The following SYN1 variants were observed in gnomAD, a reference collection of about 807,000 sequenced individuals.
SYN1 encodes synapsin-1.
Under a neutral mutation model 44.6 loss-of-function variants are expected in SYN1, and 8 were observed. That is an observed-to-expected ratio of 0.18 (90% CI 0.11 to 0.32). The LOEUF (loss-of-function observed/expected upper bound fraction) is 0.32, where lower values mean the gene tolerates loss of function less well. SYN1 is among the 10% of genes least tolerant of loss of function. The probability of loss-of-function intolerance (pLI) is 1.00; values close to 1 mark genes in which losing one functional copy is unlikely to be tolerated. For synonymous variants in SYN1, 275 were observed against 280.1 expected, an observed-to-expected ratio of 0.98 and a Z score of 0.18; for missense variants, 451 against 639.4, an observed-to-expected ratio of 0.71 and a Z score of 3.18.
intron 5 of SYN1, among the ~76,000 whole-genome samples, chrX:47,580,859 C>T (rs2057795461): frequency 9.4e-6 from 1 of 106,908 alleles, no homozygotes. Context: ...TCTTGAACCC[C>T]GGAGGCGGAG....
At chrX:47,596,635 A>G (rs1185508683) in intron 5 of SYN1, among the ~76,000 whole-genome samples, 1 of 112,717 alleles carries the variant, frequency 8.9e-6, no homozygotes, top group Non-Finnish European at 1.9e-5. Flanking sequence ...AAGCTAACGG[A>G]GCAGAGACTT....
chrX:47,611,948 C>A (rs2057917860), intron 1 of SYN1, among the ~76,000 whole-genome samples: 1 of 111,823 alleles, frequency 8.9e-6, no homozygotes, highest in African/African-American at 3.3e-5. Flanking sequence ...ATTCTGGAGG[C>A]AGCATGTCCC....
At chrX:47,611,577 G>T (rs4824625) in intron 1 of SYN1, among the ~76,000 whole-genome samples, 34,020 of 110,857 alleles carry the variant, frequency 0.31, 3,832 homozygotes, top group Admixed American at 0.34. Context: ...TTCATAGATG[G>T]TCTTGCTGTA....
At chrX:47,601,146 A>G (rs1193052332) in intron 5 of SYN1, among the ~76,000 whole-genome samples, 1 of 112,061 alleles carries the variant, frequency 8.9e-6, no homozygotes, top group Non-Finnish European at 1.9e-5. Context: ...TAAGAATAAA[A>G]AAGGGCAGAA....
At chrX:47,612,665 T>A (rs954605225) in intron 1 of SYN1, among the ~76,000 whole-genome samples, 1 of 111,964 alleles carries the variant, frequency 8.9e-6, no homozygotes, top group African/African-American at 3.2e-5. Flanking sequence ...CACCTGCTCA[T>A]CTCCTTTGTG....
intron 6 of SYN1, 85 bp downstream of exon 6, chrX:47,577,354 C>G: frequency 1.9e-6 from 2 of 1,026,146 alleles, no homozygotes; most frequent in Non-Finnish European, 1.3e-6. Flanking sequence ...GATAACGACA[C>G]CCCAGGAGAC....
At chrX:47,575,088 A>ACACTAGCTCAAGC (rs1424557660) in intron 10 of SYN1, 40 bp downstream of exon 10, 1 of 1,175,561 alleles carries the variant, frequency 8.5e-7, no homozygotes, top group Non-Finnish European at 1.1e-6. Flanking sequence ...CGGCCTCCCC[A>ACACTAGCTCAAGC]CACTAGCTCA....
chrX:47,591,293 G>A (rs143937803), intron 5 of SYN1, among the ~76,000 whole-genome samples: 3 of 112,687 alleles, frequency 2.7e-5, no homozygotes, highest in African/African-American at 9.7e-5. Flanking sequence ...ACAGCCAGGA[G>A]GTGCTGCTGC....
In SYN1 at chrX:47,572,336, A is replaced by G. The variant is rs927157839; in HGVS notation, c.*528T>C. The G allele has an allele frequency of 1.7e-5, 2 of 116,287 alleles. No individual in the cohort carries two copies. The highest frequency in any genetic ancestry group is 6.6e-5 in the African/African-American group (2 of 30,523). 9.6% of individuals were successfully genotyped at this position (116,287 alleles called of 1,213,427 possible). A position where few individuals can be genotyped will look rare whatever the true frequency, so the allele number is the denominator to read the frequency against. On this transcript the variant is annotated 3_prime_UTR_variant, in exon 13 of 13. Transcript: ENST00000295987. ...GGTGAAGGGAAATCCTTGTGGGGCT[A>G]GGTGTTGGGTGGCATTTGAAGATGT... is the stretch of plus-strand genomic sequence containing the variant.
chrX:47,583,568 C>A, intron 5 of SYN1: 1 of 1,162,042 alleles, frequency 8.6e-7, no homozygotes, highest in Non-Finnish European at 1.2e-6. Context: ...CCCACACACT[C>A]TGCCTTGGTT....
At chrX:47,587,782 T>C (rs1393259827) in intron 5 of SYN1, among the ~76,000 whole-genome samples, 2 of 111,369 alleles carry the variant, frequency 1.8e-5, no homozygotes, top group Non-Finnish European at 3.8e-5. Flanking sequence ...CCCCTCATAC[T>C]CCAAAGGTCT....
Position 47,574,274 on chromosome X carries a change from A to T in SYN1, c.1710T>A (p.Ser570=). 9.0e-7 allele frequency: 1 copy of T among 1,105,146 alleles called. No individual in the cohort carries two copies. Among genetic ancestry groups the T allele is most frequent in the Non-Finnish European group, 1.2e-6 (1 of 849,611 alleles). 91.1% of individuals were successfully genotyped at this position (1,105,146 alleles called of 1,213,427 possible). ...CAGAGGCCTTTGGCGGAGCCGGGCCAGAGACGGATGTCTGACGGGTAGCCT... is the reference window on the plus strand; with the variant it reads ...CAGAGGCCTTTGGCGGAGCCGGGCCTGAGACGGATGTCTGACGGGTAGCCT... The part of the protein sequence containing the change: ...PPQATRQTSV[S]GPAPPKASGA... Residue 570 remains serine (S), a synonymous_variant, in exon 12 of 13, where the codon TCT becomes TCA. Transcript: ENST00000295987.
At chrX:47,606,619 C>T (rs1165254104) in intron 3 of SYN1, among the ~76,000 whole-genome samples, 1 of 108,496 alleles carries the variant, frequency 9.2e-6, no homozygotes, top group Non-Finnish European at 1.9e-5. Flanking sequence ...GTCTCAGCTA[C>T]TTGGGAGGCT....
chrX:47,588,706 A>G (rs1194376374), intron 5 of SYN1, among the ~76,000 whole-genome samples: 2 of 111,631 alleles, frequency 1.8e-5, no homozygotes, highest in Non-Finnish European at 3.8e-5. Flanking sequence ...CTGTTAAAAT[A>G]GGTCAAGTGA....
chrX:47,611,569 CATAGATGGTCTTGCTGTAGGGCT>C (rs1425539859), intron 1 of SYN1, among the ~76,000 whole-genome samples: 1 of 111,911 alleles, frequency 8.9e-6, no homozygotes, highest in African/African-American at 3.2e-5. Context: ...TGATAATATT[CATAGATGGTCTTGCTGTAGGGCT>C]ATGCTATCTC....
Position 47,612,181 on chromosome X carries a change from T to C in SYN1, c.378-4983A>G, listed in dbSNP as rs757744699. Reference sequence around the variant, plus strand: ...TATGGGAAGCCTGAGTGGGAGGCCCTTGGGGTTCTGGAGCAAAGCCATGCC... The same window carrying C: ...TATGGGAAGCCTGAGTGGGAGGCCCCTGGGGTTCTGGAGCAAAGCCATGCC... On this transcript the variant is annotated intron_variant, in intron 1 of 12. Coordinates refer to ENST00000295987, the MANE Select transcript of SYN1 (RefSeq NM_006950.3). Among the ~76,000 whole-genome samples, 6 of 111,179 alleles carry C rather than the reference T, an allele frequency of 5.4e-5. No individual in the cohort carries two copies. The East Asian group carries it at 1.4e-3, about 26-fold the overall frequency.
chrX:47,607,244 G>A (rs189708621), intron 1 of SYN1, 46 bp from the exon 2 acceptor site: 1 of 1,164,096 alleles, frequency 8.6e-7, no homozygotes, highest in East Asian at 3.0e-5. Context: ...AATCTCAGAA[G>A]GGAAGACAAA....
chrX:47,586,391 G>A (rs780731368), intron 5 of SYN1: 578 of 1,095,636 alleles, frequency 5.3e-4, no homozygotes, highest in Middle Eastern at 3.1e-3. Context: ...GGCTGTCCTG[G>A]GGTATGTACT....
chrX:47,596,199 G>A (rs950781259), intron 5 of SYN1, among the ~76,000 whole-genome samples: 1 of 112,078 alleles, frequency 8.9e-6, no homozygotes, highest in Admixed American at 9.5e-5. Flanking sequence ...TCCACTCATG[G>A]GGCTCATCTG....
Sources: gnomAD v4.1 joint callset for allele counts (sites outside exome capture counted in the v4.1 genomes callset) on GRCh38, gnomAD v4.1.1 for gene constraint, MANE v1.5 for transcripts, NCBI Gene and HGNC (gene_info 2026-07-23, HGNC 2026-07-21) for gene names.